The following UGT2B7 variants were observed in gnomAD, a reference collection of about 807,000 sequenced individuals.
The protein encoded by UGT2B7 is UDP glucuronosyltransferase family 2 member B7, also known as UDP-glucuronosyltransferase 2B7.
Under a neutral mutation model 51.9 loss-of-function variants are expected in UGT2B7, and 51 were observed. The observed-to-expected ratio is 0.98, with a 90% confidence interval of 0.78 to 1.24. The LOEUF is 1.24. Among genes scored for constraint, UGT2B7 ranks in the 50% most tolerant of loss-of-function variants. The probability of loss-of-function intolerance (pLI) is 0.00; values close to 1 mark genes in which losing one functional copy is unlikely to be tolerated. For missense variants in UGT2B7, 727 were observed against 628.4 expected (o/e 1.16, Z -1.68); for synonymous variants, 225 against 211.6 (o/e 1.06, Z -0.55).
chr4:69,106,322 C>T (rs895120470), intron 3 of UGT2B7, among the ~76,000 whole-genome samples: 4 of 152,076 alleles, frequency 2.6e-5, no homozygotes, highest in African/African-American at 7.2e-5. Context: ...TCATCTTTCA[C>T]CTTCCACTTA....
intron 1 of UGT2B7, among the ~76,000 whole-genome samples, chr4:69,053,792 C>A (rs1396178938): frequency 6.6e-6 from 1 of 152,228 alleles, no homozygotes; most frequent in South Asian, 2.1e-4. Flanking sequence ...CATCCCCGAG[C>A]AGATGTGTGG....
rs138064350 is a variant in UGT2B7, at chr4:69,087,381, T to G, written c.-158-2091T>G. On this transcript the variant is annotated intron_variant, in intron 1 of 5. Transcript: ENST00000502942. ...CTTTTTCATGTCTCAATTTATATCTTTTCATATTTCCATCTCTTAATTGTA... is the reference window on the plus strand; with the variant it reads ...CTTTTTCATGTCTCAATTTATATCTGTTCATATTTCCATCTCTTAATTGTA... Among the ~76,000 whole-genome samples the G allele has an allele frequency of 4.2e-3, 639 of 152,084 alleles. 2 individuals are homozygous for G. The highest frequency in any genetic ancestry group is 0.015 in the African/African-American group (613 of 41,554).
Position 69,112,836 on chromosome 4 carries a change from CAAAAAAAA to C in UGT2B7, c.*106_*113del. 9.5e-7 allele frequency: 1 copy of C among 1,056,120 alleles called. No homozygotes were observed. Among genetic ancestry groups the C allele is most frequent in the Non-Finnish European group, 1.2e-6 (1 of 824,542 alleles). 65.4% of individuals were successfully genotyped at this position (1,056,120 alleles called of 1,614,324 possible). A position where few individuals can be genotyped will look rare whatever the true frequency, so the allele number is the denominator to read the frequency against. On this transcript the variant is annotated 3_prime_UTR_variant, in exon 6 of 6. Transcript: ENST00000305231. ...ATGCAAGATTTCTTTCTTCCTGAGA[CAAAAAAAA>C]AAAAAGAAAAAAAAATCTTTTCAAA...
At chr4:69,101,438 A>G (rs1719414857) in intron 2 of UGT2B7, among the ~76,000 whole-genome samples, 1 of 152,096 alleles carries the variant, frequency 6.6e-6, no homozygotes, top group Non-Finnish European at 1.5e-5. Flanking sequence ...AGTCCATATC[A>G]GTGATGAATC....
At chr4:69,051,614 C>G (rs1351139993) in intron 1 of UGT2B7, 1 of 152,380 alleles carries the variant, frequency 6.6e-6, no homozygotes, top group Non-Finnish European at 1.5e-5. Context: ...TAAGACTAGT[C>G]TTTGGAACTT....
At chr4:69,067,232 G>C (rs1184537528) in intron 1 of UGT2B7, among the ~76,000 whole-genome samples, 4 of 152,112 alleles carry the variant, frequency 2.6e-5, no homozygotes, top group Non-Finnish European at 4.4e-5. Flanking sequence ...TGCCCCAGAG[G>C]ACTTGGTGCA....
chr4:69,108,675 A>C (rs1423307789), intron 5 of UGT2B7, among the ~76,000 whole-genome samples: 1 of 152,002 alleles, frequency 6.6e-6, no homozygotes, highest in Non-Finnish European at 1.5e-5. Context: ...TATCTAAAAC[A>C]CCTCAGAGTA....
intron 1 of UGT2B7, among the ~76,000 whole-genome samples, chr4:69,082,839 A>G (rs137957624): frequency 6.6e-6 from 1 of 152,236 alleles, no homozygotes; most frequent in East Asian, 1.9e-4. Context: ...TTGAAAAAAT[A>G]TGTCATCTGA....
intron 2 of UGT2B7, among the ~76,000 whole-genome samples, chr4:69,100,221 A>C (rs1453599607): frequency 6.6e-6 from 1 of 152,090 alleles, no homozygotes; most frequent in Non-Finnish European, 1.5e-5. Flanking sequence ...ACAGAAGCAC[A>C]GAGATAATGA....
chr4:69,072,282 T>C (rs1310852692), intron 1 of UGT2B7, among the ~76,000 whole-genome samples: 5 of 152,134 alleles, frequency 3.3e-5, no homozygotes, highest in African/African-American at 9.6e-5. Context: ...AAACTCTAAG[T>C]AGTCACATGG....
At chr4:69,052,188 G>A (rs1253380097) in intron 1 of UGT2B7, among the ~76,000 whole-genome samples, 2 of 151,994 alleles carry the variant, frequency 1.3e-5, no homozygotes, top group Admixed American at 1.3e-4. Context: ...TGTTTCAAAG[G>A]TATGACACAA....
chr4:69,071,864 A>G (rs967477349), intron 1 of UGT2B7, among the ~76,000 whole-genome samples: 8 of 152,216 alleles, frequency 5.3e-5, no homozygotes, highest in African/African-American at 1.9e-4. Flanking sequence ...ATAGACAAAT[A>G]TTAGTCTGGG....
intron 3 of UGT2B7, 113 bp downstream of exon 3, chr4:69,103,051 A>T: frequency 6.6e-7 from 1 of 1,512,936 alleles, no homozygotes; most frequent in Non-Finnish European, 8.8e-7. Context: ...AAAGTTGAAA[A>T]ATTAGAACAA....
At chr4:69,061,964 G>A (rs1718358583) in intron 1 of UGT2B7, among the ~76,000 whole-genome samples, 1 of 152,188 alleles carries the variant, frequency 6.6e-6, no homozygotes, top group Non-Finnish European at 1.5e-5. Flanking sequence ...TGAAGGTATT[G>A]TTAAGAGACA....
At chr4:69,056,608 C>T (rs1326183032) in intron 1 of UGT2B7, among the ~76,000 whole-genome samples, 3 of 152,136 alleles carry the variant, frequency 2.0e-5, no homozygotes, top group Non-Finnish European at 4.4e-5. Context: ...TAGTTCCCAG[C>T]AATAGGAAGA....
At chr4:69,064,945 G>A (rs1230999785) in intron 1 of UGT2B7, among the ~76,000 whole-genome samples, 2 of 152,128 alleles carry the variant, frequency 1.3e-5, no homozygotes. Flanking sequence ...GTATTATTAT[G>A]ATAGTGGTGG....
chr4:69,099,597 G>T (rs1719361954), intron 2 of UGT2B7, among the ~76,000 whole-genome samples: 1 of 151,952 alleles, frequency 6.6e-6, no homozygotes, highest in Non-Finnish European at 1.5e-5. Context: ...AAAGTTGATA[G>T]AAATCATTAT....
chr4:69,098,871 G>T (rs1168328699), intron 2 of UGT2B7, among the ~76,000 whole-genome samples, 183 bp downstream of exon 2: 1 of 151,932 alleles, frequency 6.6e-6, no homozygotes, highest in Non-Finnish European at 1.5e-5. Context: ...TGAGTTTTAT[G>T]AGTATTACAA....
intron 2 of UGT2B7, among the ~76,000 whole-genome samples, chr4:69,100,170 G>C (rs576919639): frequency 1.3e-5 from 2 of 151,960 alleles, no homozygotes; most frequent in African/African-American, 4.8e-5. Flanking sequence ...ACTTATTAAA[G>C]CTTCCTGTGG....
Sources: allele counts gnomAD v4.1 joint callset (sites outside exome capture counted in the v4.1 genomes callset), GRCh38; gene constraint gnomAD v4.1.1; transcripts MANE v1.5; gene names NCBI Gene and HGNC (gene_info 2026-07-23, HGNC 2026-07-21).